The following SLC7A5 variants were observed in gnomAD, a reference collection of about 807,000 sequenced individuals.
SLC7A5 encodes large neutral amino acids transporter small subunit 1.
A neutral mutation model predicts 50.2 loss-of-function variants in SLC7A5; 23 were observed. The ratio of observed to expected loss-of-function variants is 0.46; its 90% confidence interval spans 0.33 to 0.65. The LOEUF (loss-of-function observed/expected upper bound fraction) is 0.65. SLC7A5 is among the 30% of genes least tolerant of loss of function. The pLI is 0.02. For missense variants in SLC7A5, 578 were observed against 684.4 expected (o/e 0.84, Z 1.73); for synonymous variants, 393 against 330.6 (o/e 1.19, Z -2.05).
At chr16:87,854,815 C>G (rs567093231) in intron 1 of SLC7A5, among the ~76,000 whole-genome samples, 1 of 152,360 alleles carries the variant, frequency 6.6e-6, no homozygotes, top group East Asian at 1.9e-4. Flanking sequence ...TGCCTCCCAC[C>G]TGGCTGGCTG....
At position 87,869,256 on chromosome 16, in the gene SLC7A5, A is replaced by C; in HGVS notation, c.167T>G (p.Val56Gly). 9.3e-6 allele frequency: 15 copies of C among 1,612,596 alleles called. No individual in the cohort carries two copies. Among genetic ancestry groups the C allele is most frequent in the Non-Finnish European group, 1.1e-5 (13 of 1,179,854 alleles). The part of the protein sequence containing the change: ...LQRNITLLNG[V>G]AIIVGTIIGS... ...GATAATGGTCCCCACGATGATGGCC[A>C]CGCCGTTGAGCAGCGTGATGTTCCG... The change falls in exon 1 of 10, where the codon GTG becomes GGG. Residue 56 changes from valine (V) to glycine (G), a missense_variant. Around this residue, in one of 2 missense-constraint regions of SLC7A5, gnomAD observed 113 missense variants for 89.8 expected, o/e 1.26. Coordinates refer to ENST00000261622, the MANE Select transcript of SLC7A5 (RefSeq NM_003486.7).
intron 7 of SLC7A5, 78 bp downstream of exon 7, chr16:87,837,767 A>T: frequency 8.4e-7 from 1 of 1,194,632 alleles, no homozygotes; most frequent in Non-Finnish European, 1.2e-6. Flanking sequence ...ACAGAGCTGC[A>T]AGCTGTGGCA....
At chr16:87,864,566 T>TCTAC (rs1323970339) in intron 1 of SLC7A5, among the ~76,000 whole-genome samples, 1 of 152,122 alleles carries the variant, frequency 6.6e-6, no homozygotes, top group Non-Finnish European at 1.5e-5. Context: ...TCTACCAGCC[T>TCTAC]CAGCAAAGCC....
At position 87,869,333 on chromosome 16, in the gene SLC7A5, C is replaced by G. The variant is rs375232549; in HGVS notation, c.90G>C (p.Lys30Asn). The G allele has an allele frequency of 3.7e-6, 6 of 1,609,946 alleles. No homozygotes were observed. The highest frequency in any genetic ancestry group is 1.3e-5 in the African/African-American group (1 of 74,796). The change falls in exon 1 of 10, where the codon AAG (lysine) becomes AAC (asparagine). Residue 30 changes from lysine (K) to asparagine (N), a missense_variant. Coordinates refer to ENST00000261622, the MANE Select transcript of SLC7A5 (RefSeq NM_003486.7). The stretch of plus-strand genomic sequence containing the variant: ...CTGCCGGCGCCGAGCCGTCCGCGCT[C>G]TTGGCGGCCAGCATCTTCTCCCGCG... ...EEAREKMLAA[K>N]SADGSAPAGE...
At chr16:87,836,756 A>C in intron 7 of SLC7A5, 109 bp from the exon 8 acceptor site, 1 of 1,163,254 alleles carries the variant, frequency 8.6e-7, no homozygotes. Context: ...GCTGAGCACC[A>C]GGGAATTTTG....
chr16:87,845,266 C>T (rs1031568089), intron 2 of SLC7A5, among the ~76,000 whole-genome samples: 5 of 152,216 alleles, frequency 3.3e-5, no homozygotes, highest in Non-Finnish European at 5.9e-5. Flanking sequence ...AGTCACCAGC[C>T]GAGTGCACAG....
intron 8 of SLC7A5, 55 bp from the exon 9 acceptor site, chr16:87,834,646 C>G: frequency 6.5e-7 from 1 of 1,548,178 alleles, no homozygotes; most frequent in East Asian, 2.4e-5. Flanking sequence ...CTCCCTCCCC[C>G]ATGCCCCGAG....
intron 1 of SLC7A5, among the ~76,000 whole-genome samples, chr16:87,858,073 G>C (rs1049304916): frequency 5.3e-5 from 8 of 152,102 alleles, no homozygotes; most frequent in South Asian, 2.1e-4. Flanking sequence ...GTTTCCCAAG[G>C]GTCCTGACTC....
chr16:87,831,652 G>A lies in SLC7A5; in HGVS notation c.*1318C>T, dbSNP rs1032936774. On this transcript the variant is annotated 3_prime_UTR_variant, in exon 10 of 10. Coordinates refer to ENST00000261622, the MANE Select transcript of SLC7A5 (RefSeq NM_003486.7). ...AGAAGGCAGAGCCCCCCGAGCTCAG[G>A]AGGGATCCTGCGGGGTCTTCTTGTT... is the stretch of plus-strand genomic sequence containing the variant. 10 of 116,076 alleles carry A rather than the reference G, an allele frequency of 8.6e-5. No individual in the cohort carries two copies. The highest frequency in any genetic ancestry group is 1.0e-4 in the Non-Finnish European group (6 of 60,066). 7.2% of individuals were successfully genotyped at this position (116,076 alleles called of 1,614,324 possible). A position where few individuals can be genotyped will look rare whatever the true frequency, so the allele number is the denominator to read the frequency against.
intron 3 of SLC7A5, 119 bp from the exon 4 acceptor site, chr16:87,840,592 C>T: frequency 1.2e-6 from 1 of 860,110 alleles, no homozygotes; most frequent in Non-Finnish European, 2.0e-6. Flanking sequence ...GCTCGCTGGG[C>T]TGGAAAGCGG....
chr16:87,859,913 A>AAAAACAAAACAAAAC (rs60586708), intron 1 of SLC7A5, among the ~76,000 whole-genome samples: 3 of 151,140 alleles, frequency 2.0e-5, no homozygotes, highest in South Asian at 2.1e-4. Flanking sequence ...CCTGGGTGAC[A>AAAAACAAAACAAAAC]AAAACAAAAC....
At chr16:87,854,673 A>T (rs1041824741) in intron 1 of SLC7A5, among the ~76,000 whole-genome samples, 2 of 152,268 alleles carry the variant, frequency 1.3e-5, no homozygotes, top group African/African-American at 4.8e-5. Context: ...CTGCGGGGAC[A>T]GCTGGGCCAG....
rs1049225582 is a variant in SLC7A5 at position 87,840,279 on chromosome 16, G to A, written c.815+150C>T. Reference sequence around the variant, plus strand: ...AAGGACACACGGCCAGAAGCCACCCGCCCCACATCCTGCTGGCCCCAGAGG... The same window carrying A: ...AAGGACACACGGCCAGAAGCCACCCACCCCACATCCTGCTGGCCCCAGAGG... On this transcript the variant is annotated intron_variant, in intron 4 of 9. Transcript: ENST00000261622. 2.3e-5 allele frequency: 17 copies of A among 734,992 alleles called. No individual in the cohort carries two copies. In the African/African-American group the frequency reaches 2.5e-4, roughly 11 times the overall value. 45.5% of individuals were successfully genotyped at this position (734,992 alleles called of 1,614,324 possible). A position where few individuals can be genotyped will look rare whatever the true frequency, so the allele number is the denominator to read the frequency against.
intron 1 of SLC7A5, among the ~76,000 whole-genome samples, chr16:87,866,121 C>T (rs2055457711): frequency 6.6e-6 from 1 of 152,054 alleles, no homozygotes; most frequent in South Asian, 2.1e-4. Context: ...GCGGTGAGCA[C>T]ACTTGTTCCT....
intron 8 of SLC7A5, 120 bp downstream of exon 8, chr16:87,836,378 G>T (rs1342964653): frequency 7.0e-6 from 8 of 1,141,346 alleles, no homozygotes; most frequent in Admixed American, 1.9e-5. Context: ...CCAGGTGCAT[G>T]CAGGCAGGGG....
chr16:87,857,385 TCTCCTGCCTCAGC>T (rs1437718958), intron 1 of SLC7A5, among the ~76,000 whole-genome samples: 1 of 152,134 alleles, frequency 6.6e-6, no homozygotes, highest in Non-Finnish European at 1.5e-5. Flanking sequence ...ATCAAGTGAT[TCTCCTGCCTCAGC>T]CTCCTGCCTC....
At chr16:87,851,299 G>A (rs945320599) in intron 2 of SLC7A5, among the ~76,000 whole-genome samples, 2 of 152,332 alleles carry the variant, frequency 1.3e-5, no homozygotes, top group Admixed American at 6.5e-5. Flanking sequence ...GCATGGCCCC[G>A]TCGGGGGTGG....
intron 2 of SLC7A5, among the ~76,000 whole-genome samples, chr16:87,848,397 C>T (rs1319381903): frequency 2.0e-5 from 3 of 152,238 alleles, no homozygotes; most frequent in African/African-American, 7.2e-5. Flanking sequence ...CTCCGCCCTG[C>T]AGGCGAAGGC....
chr16:87,840,923 G>T, intron 3 of SLC7A5, 127 bp downstream of exon 3: 1 of 668,568 alleles, frequency 1.5e-6, no homozygotes, highest in Non-Finnish European at 2.7e-6. Context: ...ACTGCCAAGG[G>T]GCAGTTAAAG....
Sources: allele counts gnomAD v4.1 joint callset (sites outside exome capture counted in the v4.1 genomes callset), GRCh38; gene constraint gnomAD v4.1.1; regional missense constraint gnomAD v4.1.1; transcripts MANE v1.5; gene names NCBI Gene and HGNC (gene_info 2026-07-23, HGNC 2026-07-21).